DDX31: variants seen among roughly 807,000 people sequenced by gnomAD.
DDX31 encodes the protein ATP-dependent DNA helicase DDX31.
In DDX31, 70 loss-of-function variants were observed where a neutral mutation model predicts 91.3. That is an observed-to-expected ratio of 0.77 (90% CI 0.63 to 0.94). The LOEUF (loss-of-function observed/expected upper bound fraction) is 0.94, where lower values mean the gene tolerates loss of function less well. Ranked by LOEUF, DDX31 falls within the 40% of genes least tolerant of loss-of-function variation. The pLI is 0.00. For synonymous variants in DDX31, 362 were observed against 350.6 expected (o/e 1.03, Z -0.36); for missense variants, 902 against 925.0 (o/e 0.98, Z 0.32).
rs1219275134 is a variant in DDX31 at position 132,618,415 on chromosome 9, T to C, written c.1740A>G (p.Glu580=). The C allele has an allele frequency of 9.9e-6, 16 of 1,611,732 alleles. No homozygotes were observed. Among genetic ancestry groups the C allele is most frequent in the South Asian group, 2.2e-5 (2 of 90,326 alleles). Residue 580 remains glutamate (E), a synonymous_variant, in exon 18 of 20, where the codon GAA becomes GAG. Transcript: ENST00000372159. ...AQKSHAVGPQ[E]IRERATVLQT... is the part of the protein sequence containing the mutation. ...GCAAGACTGTGGCTCGCTCTCGGATTTCCTGGGGGCCAACAGCATGGGATT... is the reference window on the plus strand; with the variant it reads ...GCAAGACTGTGGCTCGCTCTCGGATCTCCTGGGGGCCAACAGCATGGGATT...
intron 17 of DDX31, among the ~76,000 whole-genome samples, chr9:132,622,358 A>G (rs1387679059): frequency 6.6e-6 from 1 of 152,180 alleles, no homozygotes; most frequent in Admixed American, 6.5e-5. Context: ...CAAGCCAGGG[A>G]AAGTCTTAAG....
intron 3 of DDX31, 61 bp downstream of exon 3, chr9:132,662,200 C>G: frequency 6.4e-7 from 1 of 1,562,840 alleles, no homozygotes. Context: ...ATTTCACAGA[C>G]CTTCTGAACG....
chr9:132,662,817 T>C (rs1835064458), intron 1 of DDX31, 122 bp from the exon 2 acceptor site: 4 of 1,302,236 alleles, frequency 3.1e-6, no homozygotes, highest in South Asian at 1.4e-5. Flanking sequence ...TTATGCCCCA[T>C]ATGTCAAGCA....
At chr9:132,605,394 C>T (rs1430895122) in intron 19 of DDX31, among the ~76,000 whole-genome samples, 2 of 152,202 alleles carry the variant, frequency 1.3e-5, no homozygotes, top group Non-Finnish European at 2.9e-5. Context: ...GAAATGCTCA[C>T]TGCAGCACTG....
intron 14 of DDX31, chr9:132,638,252 G>T: frequency 6.3e-7 from 1 of 1,596,276 alleles, no homozygotes. Flanking sequence ...AAAATCAGGT[G>T]GCTTAGAAAC....
rs745471382 is a variant in DDX31, at chr9:132,662,638, G to A, written c.133C>T (p.Arg45Trp). Residue 45 changes from arginine (R) to tryptophan (W), a missense_variant, in exon 2 of 20, where the codon CGG (arginine) becomes TGG (tryptophan). By Grantham distance (101) the Arg-to-Trp change is moderately radical (BLOSUM62 -3). Transcript: ENST00000372159. ...GGGAGAAATGAAGTTTCGTTCCTCC[G>A]TTTCGCTGGGGGAGCCTCACTGGAC... ...QASSEAPPAKRRNETSFLPAK... is the reference protein window; with the variant it reads ...QASSEAPPAKWRNETSFLPAK... 5.0e-6 allele frequency: 8 copies of A among 1,614,020 alleles called. No homozygotes were observed. Among genetic ancestry groups the A allele is most frequent in the East Asian group, 4.5e-5 (2 of 44,894 alleles).
intron 14 of DDX31, among the ~76,000 whole-genome samples, chr9:132,636,080 T>C (rs2583798): frequency 1 from 152,245 of 152,348 alleles, 76,071 homozygotes; most frequent in Middle Eastern, 1. Context: ...GATTTGTCTG[T>C]CTTCACTCGT....
At chr9:132,609,876 T>G (rs1831230147) in intron 19 of DDX31, among the ~76,000 whole-genome samples, 1 of 152,292 alleles carries the variant, frequency 6.6e-6, no homozygotes, top group African/African-American at 2.4e-5. Flanking sequence ...CGCCTCGGCC[T>G]CCCAAAGTGC....
chr9:132,669,727 G>C, intron 1 of DDX31, 133 bp downstream of exon 1: 2 of 1,531,468 alleles, frequency 1.3e-6, no homozygotes, highest in Non-Finnish European at 1.7e-6. Context: ...TTGTCCCGAA[G>C]CTGCCCGGTG....
chr9:132,656,949 A>G (rs186373453), intron 6 of DDX31, among the ~76,000 whole-genome samples: 35 of 152,094 alleles, frequency 2.3e-4, no homozygotes, highest in African/African-American at 6.7e-4. Context: ...TAATAGGGGG[A>G]AAAAAATCAG....
In DDX31 at chr9:132,662,484, G is replaced by A. The variant is rs751663989; in HGVS notation, c.287C>T (p.Thr96Ile). ...AGGGTTGTTTTTAAACAGTGATGAA[G>A]TCTTAATGCACTGTCTCTCCTCCTG... Reference protein sequence around the residue: ...RNQEERQCIKTSSLFKNNPDI... With the variant: ...RNQEERQCIKISSLFKNNPDI... Residue 96 changes from threonine to isoleucine, a missense_variant, in exon 2 of 20, where the codon ACT becomes ATT. Transcript: ENST00000372159. 3.1e-6 allele frequency: 5 copies of A among 1,614,220 alleles called. No homozygotes were observed. The Admixed American group carries it at 8.3e-5, about 27-fold the overall frequency.
At chr9:132,643,408 G>T (rs1360034944) in intron 13 of DDX31, among the ~76,000 whole-genome samples, 1 of 152,222 alleles carries the variant, frequency 6.6e-6, no homozygotes, top group Admixed American at 6.5e-5. Flanking sequence ...AGTCTCTGCC[G>T]CTTTGGCACA....
At chr9:132,603,348 G>A (rs1376991650) in intron 19 of DDX31, among the ~76,000 whole-genome samples, 6 of 152,172 alleles carry the variant, frequency 3.9e-5, no homozygotes, top group Admixed American at 2.0e-4. Flanking sequence ...AAGTCATTTC[G>A]TACAGGTTAT....
intron 15 of DDX31, 55 bp from the exon 16 acceptor site, chr9:132,630,458 T>C: frequency 6.5e-7 from 1 of 1,529,432 alleles, no homozygotes; most frequent in Non-Finnish European, 8.9e-7. Flanking sequence ...TGCCATTAAT[T>C]GGAAGTGCAA....
At position 132,624,259 on chromosome 9, in the gene DDX31, G is replaced by A. The variant is rs114188130; in HGVS notation, c.1713+1405C>T. Among the ~76,000 whole-genome samples the A allele has an allele frequency of 8.1e-3, 1,201 of 148,236 alleles. 14 individuals are homozygous for A. Among genetic ancestry groups the A allele is most frequent in the African/African-American group, 0.029 (1,152 of 40,018 alleles). Reference sequence around the variant, plus strand: ...TTCCAAAAGAACGGAAGTGTGCCAAGACCAATGAAGATCTGTCTGGTCACA... The same window carrying A: ...TTCCAAAAGAACGGAAGTGTGCCAAAACCAATGAAGATCTGTCTGGTCACA... On this transcript the variant is annotated intron_variant, in intron 17 of 19. Transcript: ENST00000372159.
At chr9:132,606,813 G>C (rs1181585494) in intron 19 of DDX31, among the ~76,000 whole-genome samples, 2 of 152,178 alleles carry the variant, frequency 1.3e-5, no homozygotes, top group Non-Finnish European at 2.9e-5. Flanking sequence ...CCAGAGAGGG[G>C]CAAGGGAGAG....
intron 19 of DDX31, among the ~76,000 whole-genome samples, chr9:132,604,197 T>C (rs1830878051): frequency 6.6e-6 from 1 of 152,154 alleles, no homozygotes; most frequent in African/African-American, 2.4e-5. Context: ...ATGAGGTGCA[T>C]GAACTCTATA....
intron 14 of DDX31, among the ~76,000 whole-genome samples, chr9:132,633,036 C>T (rs1024747204): frequency 6.6e-6 from 1 of 152,172 alleles, no homozygotes; most frequent in African/African-American, 2.4e-5. Context: ...ACCCACCACA[C>T]ACTGCGCTGA....
chr9:132,649,037 T>C (rs1044290351), intron 9 of DDX31, among the ~76,000 whole-genome samples: 1 of 152,192 alleles, frequency 6.6e-6, no homozygotes, highest in Non-Finnish European at 1.5e-5. Flanking sequence ...ACAATAAATC[T>C]AATTTCTCAT....
Sources: allele counts gnomAD v4.1 joint callset (sites outside exome capture counted in the v4.1 genomes callset), GRCh38; gene constraint gnomAD v4.1.1; transcripts MANE v1.5; gene names NCBI Gene and HGNC (gene_info 2026-07-23, HGNC 2026-07-21).